ZNF652: variants seen among roughly 807,000 people sequenced by gnomAD.
ZNF652 encodes the protein zinc finger protein 652.
In ZNF652, 16 loss-of-function variants were observed where a neutral mutation model predicts 45.2. The ratio of observed to expected loss-of-function variants is 0.35; its 90% confidence interval spans 0.24 to 0.54. The LOEUF (loss-of-function observed/expected upper bound fraction) is 0.54. Among genes scored for constraint, ZNF652 ranks in the 20% least tolerant of loss-of-function variants. The pLI, the probability that ZNF652 is intolerant of heterozygous loss-of-function variation, is 0.91. For synonymous variants in ZNF652, 250 were observed against 260.6 expected (o/e 0.96, Z 0.39); for missense variants, 614 against 765.6 (o/e 0.80, Z 2.34).
At position 49,345,564 on chromosome 17, in the gene ZNF652, G is replaced by C. The variant is rs530710812; in HGVS notation, c.-259+16345C>G. On this transcript the variant is annotated intron_variant, in intron 1 of 5. Coordinates refer to ENST00000430262, the MANE Select transcript of ZNF652 (RefSeq NM_001145365.3). ...ACTTTAAAAAGAAATGAAGTAGGCC[G>C]GGCGTGGTGGCTCACGCCTGTAATC... Among the ~76,000 whole-genome samples, 23 of 151,230 alleles carry C rather than the reference G, an allele frequency of 1.5e-4. No individual in the cohort carries two copies. The South Asian group carries it at 3.3e-3, about 22-fold the overall frequency.
At position 49,290,512 on chromosome 17, in the gene ZNF652, T is replaced by C. The variant is rs2069391349; in HGVS notation, c.*7901A>G. The C allele has an allele frequency of 6.6e-6, 1 of 152,260 alleles. No homozygotes were observed. Among genetic ancestry groups the C allele is most frequent in the Non-Finnish European group, 1.5e-5 (1 of 68,078 alleles). 9.4% of individuals were successfully genotyped at this position (152,260 alleles called of 1,614,324 possible). A position where few individuals can be genotyped will look rare whatever the true frequency, so the allele number is the denominator to read the frequency against. ...AGCAGAGAAGGTGAGAAGCATTTCCTTACTCATACTCCAGAGTTCCCCCAG... is the reference window on the plus strand; with the variant it reads ...AGCAGAGAAGGTGAGAAGCATTTCCCTACTCATACTCCAGAGTTCCCCCAG... On this transcript the variant is annotated 3_prime_UTR_variant, in exon 6 of 6. Transcript: ENST00000430262.
Position 49,290,342 on chromosome 17 carries a change from G to C in ZNF652, c.*8071C>G, listed in dbSNP as rs1002588467. On this transcript the variant is annotated 3_prime_UTR_variant, in exon 6 of 6. Transcript: ENST00000430262. Reference sequence around the variant, plus strand: ...AAACAGAACTCATGGCCAGAGAGCTGATGACCACGGATAGGAGCCCTTAGA... The same window carrying C: ...AAACAGAACTCATGGCCAGAGAGCTCATGACCACGGATAGGAGCCCTTAGA... 8 of 152,250 alleles carry C rather than the reference G, an allele frequency of 5.3e-5. No individual in the cohort carries two copies. Among genetic ancestry groups the C allele is most frequent in the African/African-American group, 1.9e-4 (8 of 41,428 alleles). 9.4% of individuals were successfully genotyped at this position (152,250 alleles called of 1,614,324 possible).
At chr17:49,323,288 T>C (rs974710365) in intron 1 of ZNF652, among the ~76,000 whole-genome samples, 6 of 152,222 alleles carry the variant, frequency 3.9e-5, no homozygotes, top group Non-Finnish European at 7.3e-5. Context: ...TCTCAAGAAG[T>C]AGATTCCATC....
rs780259884 is a variant in ZNF652, at chr17:49,298,942, A to G, written c.1310-18T>C. ...TTTCTCTCCTGAGATGAACACAGAC[A>G]TAAAAATGATTAACATATTAGGTGG... On this transcript the variant is annotated intron_variant, in intron 5 of 5. Transcript: ENST00000430262. 7 of 1,588,544 alleles carry G rather than the reference A, an allele frequency of 4.4e-6. No individual in the cohort carries two copies. In the Admixed American group the frequency reaches 1.0e-4, roughly 24 times the overall value.
intron 1 of ZNF652, among the ~76,000 whole-genome samples, chr17:49,318,688 T>C (rs531810023): frequency 6.6e-6 from 1 of 152,310 alleles, no homozygotes; most frequent in East Asian, 1.9e-4. Flanking sequence ...GTTTACAACG[T>C]GTTGGGCATG....
At chr17:49,315,042 GT>G (rs11342868) in intron 2 of ZNF652, among the ~76,000 whole-genome samples, 30,175 of 133,876 alleles carry the variant, frequency 0.23, 3,043 homozygotes, top group South Asian at 0.29. Flanking sequence ...GTTTTAGTTT[GT>G]TTTTTTTTTT....
Position 49,311,411 on chromosome 17 carries a change from T to C in ZNF652, c.1210A>G (p.Met404Val), listed in dbSNP as rs763382636. 3 of 1,614,174 alleles carry C rather than the reference T, an allele frequency of 1.9e-6. No individual in the cohort carries two copies. Among genetic ancestry groups the C allele is most frequent in the East Asian group, 2.2e-5 (1 of 44,878 alleles). The part of the protein sequence containing the change: ...FQYKYQLRSH[M>V]SIHIGHKQFM... ...TGTTTGTGCCCAATATGAATGCTCA[T>C]GTGGGAGCGTAGCTGGTACTTGTAC... Residue 404 changes from methionine (M) to valine (V), a missense_variant, in exon 5 of 6, where the codon ATG becomes GTG. Met to Val is a conservative substitution (Grantham distance 21). Around this residue, in one of 5 missense-constraint regions of ZNF652, gnomAD observed 81 missense variants for 167.0 expected, o/e 0.48. Transcript: ENST00000430262.
intron 5 of ZNF652, among the ~76,000 whole-genome samples, chr17:49,309,134 G>A (rs923410305): frequency 6.6e-6 from 1 of 151,988 alleles, no homozygotes; most frequent in Non-Finnish European, 1.5e-5. Flanking sequence ...TTCTGTGACA[G>A]TTACCAAGCA....
At chr17:49,308,537 C>T (rs2069663419) in intron 5 of ZNF652, among the ~76,000 whole-genome samples, 1 of 152,136 alleles carries the variant, frequency 6.6e-6, no homozygotes, top group Non-Finnish European at 1.5e-5. Context: ...CATGGTGGCT[C>T]ATGCCTGTAA....
At chr17:49,324,494 G>T (rs940735318) in intron 1 of ZNF652, among the ~76,000 whole-genome samples, 1 of 145,600 alleles carries the variant, frequency 6.9e-6, no homozygotes, top group Non-Finnish European at 1.5e-5. Context: ...GGGTTCAAGC[G>T]ATTCTCCTGC....
intron 1 of ZNF652, among the ~76,000 whole-genome samples, chr17:49,357,332 T>C (rs2070348447): frequency 6.6e-6 from 1 of 151,562 alleles, no homozygotes; most frequent in African/African-American, 2.4e-5. Flanking sequence ...ATCTTTACCA[T>C]AAAGCTGCCT....
At chr17:49,316,712 G>T in intron 2 of ZNF652, 114 bp downstream of exon 2, 1 of 1,105,964 alleles carries the variant, frequency 9.0e-7, no homozygotes, top group Non-Finnish European at 1.3e-6. Flanking sequence ...TGATAAATTG[G>T]TGAAAACTGT....
intron 1 of ZNF652, among the ~76,000 whole-genome samples, chr17:49,320,680 ATT>A (rs2069877447): frequency 6.6e-6 from 1 of 152,270 alleles, no homozygotes; most frequent in African/African-American, 2.4e-5. Flanking sequence ...TATGAGTATC[ATT>A]TAAATAAACT....
rs1469154689 is a variant in ZNF652, at chr17:49,317,404, C to T, written c.322G>A (p.Glu108Lys). 5.6e-6 allele frequency: 9 copies of T among 1,614,004 alleles called. No homozygotes were observed. The highest frequency in any genetic ancestry group is 1.3e-5 in the African/African-American group (1 of 74,904). ...ENSDDTEEEE[E>K]EVSYKREQII... ...TGCTCCCTTTTGTAAGAGACTTCTT[C>T]CTCTTCCTCCTCTGTGTCATCAGAA... is the stretch of plus-strand genomic sequence containing the variant. Residue 108 changes from glutamate (E) to lysine (K), a missense_variant, in exon 2 of 6, where the codon GAA (glutamate) becomes AAA (lysine). Around this residue, in one of 5 missense-constraint regions of ZNF652, gnomAD observed 133 missense variants for 132.2 expected, o/e 1.01. Transcript: ENST00000430262.
chr17:49,320,458 G>A (rs2069874859), intron 1 of ZNF652, among the ~76,000 whole-genome samples: 1 of 152,188 alleles, frequency 6.6e-6, no homozygotes, highest in Admixed American at 6.5e-5. Context: ...AACGACAGAG[G>A]TAGTATTTGA....
intron 5 of ZNF652, 80 bp from the exon 6 acceptor site, chr17:49,299,004 T>TG: frequency 7.1e-7 from 1 of 1,409,214 alleles, no homozygotes; most frequent in Non-Finnish European, 9.4e-7. Flanking sequence ...TTAATAGAAA[T>TG]GGGGTCTCAC....
At chr17:49,332,494 C>A (rs1290085717) in intron 1 of ZNF652, among the ~76,000 whole-genome samples, 1 of 152,106 alleles carries the variant, frequency 6.6e-6, no homozygotes, top group Non-Finnish European at 1.5e-5. Flanking sequence ...ATATACAAAT[C>A]CTCTCTCTCC....
chr17:49,326,872 G>A (rs916217555), intron 1 of ZNF652, among the ~76,000 whole-genome samples: 6 of 152,162 alleles, frequency 3.9e-5, no homozygotes, highest in Non-Finnish European at 8.8e-5. Flanking sequence ...CCAATGTAGA[G>A]ACTGCTACGC....
chr17:49,324,971 C>T (rs113821450), intron 1 of ZNF652, among the ~76,000 whole-genome samples: 215 of 151,952 alleles, frequency 1.4e-3, no homozygotes, highest in African/African-American at 5.0e-3. Context: ...GAACTCCTGA[C>T]CTCAGGTGGT....
Sources: gnomAD v4.1 joint callset for allele counts (sites outside exome capture counted in the v4.1 genomes callset) on GRCh38, gnomAD v4.1.1 for gene constraint, gnomAD v4.1.1 regional missense constraint, MANE v1.5 for transcripts, NCBI Gene and HGNC (gene_info 2026-07-23, HGNC 2026-07-21) for gene names.